Variants in ST3GAL3 observed in about 807,000 individuals in gnomAD.
ST3GAL3 encodes the protein CMP-N-acetylneuraminate-beta-1,4-galactoside alpha-2,3-sialyltransferase.
A neutral mutation model predicts 50.1 loss-of-function variants in ST3GAL3; 21 were observed. That is an observed-to-expected ratio of 0.42 (90% confidence interval 0.30 to 0.60). The LOEUF is 0.60. Among genes scored for constraint, ST3GAL3 ranks in the 20% least tolerant of loss-of-function variants. The pLI, the probability that ST3GAL3 is intolerant of heterozygous loss-of-function variation, is 0.19. For missense variants in ST3GAL3, 353 were observed against 489.4 expected (o/e 0.72, Z 2.63); for synonymous variants, 183 against 190.0 (o/e 0.96, Z 0.30).
chr1:43,807,342 G>A (rs992535421), intron 3 of ST3GAL3, among the ~76,000 whole-genome samples: 1 of 152,076 alleles, frequency 6.6e-6, no homozygotes, highest in South Asian at 2.1e-4. Context: ...CTTGAGCCCA[G>A]GGGGCAGAGG....
intron 2 of ST3GAL3, among the ~76,000 whole-genome samples, chr1:43,789,600 A>C (rs2057786173): frequency 6.6e-6 from 1 of 152,174 alleles, no homozygotes; most frequent in Non-Finnish European, 1.5e-5. Flanking sequence ...GCCAGGCATG[A>C]TGGCTCGTGC....
At chr1:43,817,480 G>A (rs545416247) in intron 4 of ST3GAL3, among the ~76,000 whole-genome samples, 3 of 124,500 alleles carry the variant, frequency 2.4e-5, no homozygotes, top group African/African-American at 9.2e-5. Flanking sequence ...CCTTCTCCTT[G>A]TTCTTCTTCT....
At chr1:43,885,999 C>T (rs1452666324) in intron 5 of ST3GAL3, among the ~76,000 whole-genome samples, 1 of 152,240 alleles carries the variant, frequency 6.6e-6, no homozygotes, top group African/African-American at 2.4e-5. Flanking sequence ...TCTAGCGTTC[C>T]ATGACACTCT....
At chr1:43,857,388 G>T (rs2068603792) in intron 5 of ST3GAL3, among the ~76,000 whole-genome samples, 1 of 151,950 alleles carries the variant, frequency 6.6e-6, no homozygotes, top group African/African-American at 2.4e-5. Context: ...TGCACCTGTG[G>T]TCTCAGCTAT....
At chr1:43,914,450 T>C (rs1282992651) in intron 9 of ST3GAL3, 1 of 152,180 alleles carries the variant, frequency 6.6e-6, no homozygotes, top group Non-Finnish European at 1.5e-5. Context: ...AGGCGGGAAC[T>C]GCAGCGATGA....
chr1:43,872,290 G>A (rs1487615529), intron 5 of ST3GAL3, among the ~76,000 whole-genome samples: 1 of 128,682 alleles, frequency 7.8e-6, no homozygotes, highest in Non-Finnish European at 1.7e-5. Flanking sequence ...GGGGGACGGA[G>A]GAGAGGGTGT....
intron 2 of ST3GAL3, among the ~76,000 whole-genome samples, chr1:43,788,801 A>G (rs1053146752): frequency 6.6e-6 from 1 of 152,228 alleles, no homozygotes; most frequent in Admixed American, 6.5e-5. Context: ...AAGAAAAGCA[A>G]ACAAGGATTA....
intron 1 of ST3GAL3, among the ~76,000 whole-genome samples, chr1:43,723,094 C>T (rs1671244039): frequency 6.6e-6 from 1 of 151,608 alleles, no homozygotes; most frequent in South Asian, 2.1e-4. Context: ...TAGCAACCCT[C>T]CCCTCTCTCT....
chr1:43,887,192 T>G (rs1371866541), intron 5 of ST3GAL3, among the ~76,000 whole-genome samples: 4 of 152,192 alleles, frequency 2.6e-5, no homozygotes, highest in African/African-American at 9.6e-5. Context: ...GCCTCATAAA[T>G]TTGTGGTGGC....
intron 2 of ST3GAL3, among the ~76,000 whole-genome samples, chr1:43,753,284 A>G (rs1315313035): frequency 6.6e-6 from 1 of 152,216 alleles, no homozygotes; most frequent in Non-Finnish European, 1.5e-5. Flanking sequence ...TTAATGAAAT[A>G]GTGGTATAGG....
intron 9 of ST3GAL3, among the ~76,000 whole-genome samples, chr1:43,910,019 A>G (rs1271331265): frequency 1.3e-5 from 2 of 152,336 alleles, no homozygotes; most frequent in South Asian, 4.1e-4. Flanking sequence ...ATCAAAGGCT[A>G]CTGGTCGGAG....
chr1:43,778,114 C>T (rs529538722), intron 2 of ST3GAL3, among the ~76,000 whole-genome samples: 2 of 152,236 alleles, frequency 1.3e-5, no homozygotes, highest in East Asian at 3.9e-4. Context: ...GGAATGAGAT[C>T]ATGTCCTCTG....
intron 5 of ST3GAL3, among the ~76,000 whole-genome samples, chr1:43,857,568 T>TTCCTTCCTTCC (rs1558604954): frequency 2.9e-4 from 10 of 34,528 alleles, no homozygotes; most frequent in East Asian, 1.9e-3. Flanking sequence ...TCCTTCCTTC[T>TTCCTTCCTTCC]TTCTTTCCTT....
intron 5 of ST3GAL3, among the ~76,000 whole-genome samples, chr1:43,877,039 C>T (rs1019814672): frequency 1.3e-5 from 2 of 152,194 alleles, no homozygotes; most frequent in Admixed American, 1.3e-4. Flanking sequence ...GGACAGTTCT[C>T]CCTATGCATC....
Position 43,838,173 on chromosome 1 carries a change from A to G in ST3GAL3, c.210-46A>G, listed in dbSNP as rs189429474. On this transcript the variant is annotated intron_variant, in intron 4 of 11. Coordinates refer to ENST00000347631, the MANE Select transcript of ST3GAL3 (RefSeq NM_006279.5). ...CTCCTTATGAATTAATAACCCACTC[A>G]GTGCTCAGTGCCTGGCAAGCTGTAA... The G allele has an allele frequency of 6.5e-5, 92 of 1,405,470 alleles. No individual in the cohort carries two copies. In the African/African-American group the frequency reaches 1.2e-3, roughly 18 times the overall value. The allele number at this position is 1,405,470 out of a possible 1,614,324, so 87.1% of individuals were successfully genotyped here.
At chr1:43,738,122 A>G (rs1041055468) in intron 2 of ST3GAL3, 3 of 152,216 alleles carry the variant, frequency 2.0e-5, no homozygotes, top group Non-Finnish European at 4.4e-5. Flanking sequence ...AGAGAGAGAA[A>G]GGGGCTCAGA....
intron 2 of ST3GAL3, among the ~76,000 whole-genome samples, chr1:43,758,745 G>A (rs1383981207): frequency 1.3e-5 from 2 of 151,912 alleles, no homozygotes; most frequent in African/African-American, 2.4e-5. Context: ...AACTAGAAGA[G>A]GTCAGGCATG....
At chr1:43,747,631 C>G (rs566486407) in intron 2 of ST3GAL3, among the ~76,000 whole-genome samples, 1 of 146,828 alleles carries the variant, frequency 6.8e-6, no homozygotes, top group African/African-American at 2.5e-5. Flanking sequence ...TTATCTCCAG[C>G]CTGCAATGGC....
intron 6 of ST3GAL3, among the ~76,000 whole-genome samples, chr1:43,895,379 T>C (rs2077248315): frequency 6.6e-6 from 1 of 152,234 alleles, no homozygotes; most frequent in African/African-American, 2.4e-5. Context: ...ACAATTCTGC[T>C]TCTTTGTCAA....
Sources: gnomAD v4.1 joint callset for allele counts (sites outside exome capture counted in the v4.1 genomes callset) on GRCh38, gnomAD v4.1.1 for gene constraint, MANE v1.5 for transcripts, NCBI Gene and HGNC (gene_info 2026-07-23, HGNC 2026-07-21) for gene names.